The following SBF2 variants were observed in gnomAD, a reference collection of about 807,000 sequenced individuals.
The protein encoded by SBF2 is SET binding factor 2.
In SBF2, 112 loss-of-function variants were observed where a neutral mutation model predicts 225.2. That is an observed-to-expected ratio of 0.50 (90% CI 0.43 to 0.58). The LOEUF is 0.58. Ranked by LOEUF, SBF2 falls within the 20% of genes least tolerant of loss-of-function variation. The pLI is 0.00. For missense variants in SBF2, 1,996 were observed against 2,206.2 expected (o/e 0.90, Z 1.91); for synonymous variants, 763 against 773.3 (o/e 0.99, Z 0.22).
intron 1 of SBF2, among the ~76,000 whole-genome samples, chr11:10,293,698 G>T (rs1382344350): frequency 6.6e-6 from 1 of 152,214 alleles, no homozygotes; most frequent in Non-Finnish European, 1.5e-5. Context: ...CCAATCTCAG[G>T]GCTCTCTCTG....
intron 22 of SBF2, among the ~76,000 whole-genome samples, chr11:9,848,095 G>C (rs1455319923): frequency 1.3e-5 from 2 of 152,020 alleles, no homozygotes; most frequent in Non-Finnish European, 2.9e-5. Flanking sequence ...AGGGTGGGGA[G>C]GGGGTGGGGA....
intron 16 of SBF2, among the ~76,000 whole-genome samples, chr11:9,924,988 G>T (rs1863919231): frequency 6.6e-6 from 1 of 151,214 alleles, no homozygotes; most frequent in African/African-American, 2.4e-5. Flanking sequence ...GGCTCAAGCA[G>T]TTCTCCCTCC....
At chr11:9,805,737 T>C (rs375846901) in intron 32 of SBF2, among the ~76,000 whole-genome samples, 2 of 152,092 alleles carry the variant, frequency 1.3e-5, no homozygotes, top group African/African-American at 2.4e-5. Flanking sequence ...ATTCTCCTGC[T>C]TCAGCCTCCC....
chr11:10,232,469 T>G (rs1160211453), intron 1 of SBF2, among the ~76,000 whole-genome samples: 1 of 152,212 alleles, frequency 6.6e-6, no homozygotes, highest in Non-Finnish European at 1.5e-5. Flanking sequence ...TACACATGTA[T>G]TTTTAAGAAG....
chr11:10,023,739 G>A (rs966696374), intron 6 of SBF2, among the ~76,000 whole-genome samples: 1 of 151,968 alleles, frequency 6.6e-6, no homozygotes, highest in Non-Finnish European at 1.5e-5. Flanking sequence ...TCCATTGTGC[G>A]GATATATCAA....
chr11:10,055,286 G>A (rs1388506361), intron 2 of SBF2, among the ~76,000 whole-genome samples: 1 of 152,044 alleles, frequency 6.6e-6, no homozygotes, highest in Non-Finnish European at 1.5e-5. Flanking sequence ...GCTGCTGCTG[G>A]GAATGTAAAT....
chr11:9,789,975 G>C (rs1852636172), intron 34 of SBF2, among the ~76,000 whole-genome samples: 1 of 152,236 alleles, frequency 6.6e-6, no homozygotes, highest in Non-Finnish European at 1.5e-5. Context: ...TGCAGCTGGA[G>C]GAAGGCCAGA....
intron 13 of SBF2, among the ~76,000 whole-genome samples, chr11:9,982,245 C>T (rs1946988994): frequency 6.6e-6 from 1 of 152,202 alleles, no homozygotes; most frequent in South Asian, 2.1e-4. Context: ...CAAGCCAAAG[C>T]AGAGGACACT....
chr11:9,937,334 GA>G (rs1410404898), intron 16 of SBF2, among the ~76,000 whole-genome samples: 2 of 151,818 alleles, frequency 1.3e-5, no homozygotes, highest in African/African-American at 2.4e-5. Flanking sequence ...ATGGATCAAT[GA>G]AAAAAATTTA....
chr11:10,240,056 A>G (rs1000886988), intron 1 of SBF2, among the ~76,000 whole-genome samples: 2 of 152,158 alleles, frequency 1.3e-5, no homozygotes, highest in Non-Finnish European at 2.9e-5. Flanking sequence ...TAGTATTGGT[A>G]GTTATATCCA....
At chr11:10,177,696 T>C (rs957576595) in intron 2 of SBF2, among the ~76,000 whole-genome samples, 6 of 151,820 alleles carry the variant, frequency 4.0e-5, no homozygotes, top group Non-Finnish European at 8.8e-5. Context: ...TAAAAGAGGA[T>C]ACAAATAAAT....
chr11:10,196,360 T>C (rs574154840), intron 1 of SBF2, among the ~76,000 whole-genome samples: 1 of 152,254 alleles, frequency 6.6e-6, no homozygotes, highest in East Asian at 1.9e-4. Flanking sequence ...ACTAATGTAT[T>C]TTACGTTCAA....
In SBF2 at chr11:10,268,400, CCAAA is replaced by C. The variant is rs1261660465; in HGVS notation, c.55+25611_55+25614del. ...AAAAAAATAGAGAGATGTCAAGTTC[CCAAA>C]CAATTTGTTTTCTTCAAATCATGGT... On this transcript the variant is annotated intron_variant, in intron 1 of 39. Transcript: ENST00000256190. Among the ~76,000 whole-genome samples the C allele has an allele frequency of 7.9e-5, 12 of 152,128 alleles. 2 individuals are homozygous for C. The South Asian group carries it at 8.3e-4, about 11-fold the overall frequency.
At position 10,294,109 on chromosome 11, in the gene SBF2, C is replaced by G; in HGVS notation, c.-40G>C. ...CGCTCGGGAAGCGGGTCCCCGTCGC[C>G]GCCCTCGCCGCCGCCGCCCACCCGG... is the stretch of plus-strand genomic sequence containing the variant. On this transcript the variant is annotated 5_prime_UTR_variant, in exon 1 of 40. Transcript: ENST00000256190. 7.7e-6 allele frequency: 10 copies of G among 1,307,098 alleles called. No individual in the cohort carries two copies. Among genetic ancestry groups the G allele is most frequent in the Non-Finnish European group, 9.7e-6 (10 of 1,027,520 alleles). The allele number at this position is 1,307,098 out of a possible 1,614,324, so 81.0% of individuals were successfully genotyped here. A position where few individuals can be genotyped will look rare whatever the true frequency, so the allele number is the denominator to read the frequency against.
chr11:9,846,862 A>C (rs778276180), intron 23 of SBF2, 94 bp downstream of exon 23: 17 of 1,372,630 alleles, frequency 1.2e-5, no homozygotes, highest in Non-Finnish European at 1.6e-5. Flanking sequence ...TCATCCTCTT[A>C]ACTTCTGAGC....
At chr11:9,805,726 G>A (rs551452491) in intron 32 of SBF2, among the ~76,000 whole-genome samples, 16 of 152,178 alleles carry the variant, frequency 1.1e-4, no homozygotes, top group African/African-American at 1.2e-4. Context: ...GGGTTCAAGC[G>A]ATTCTCCTGC....
At chr11:10,245,798 G>A (rs924112462) in intron 1 of SBF2, among the ~76,000 whole-genome samples, 4 of 152,222 alleles carry the variant, frequency 2.6e-5, no homozygotes, top group Non-Finnish European at 5.9e-5. Context: ...TAAATACAAT[G>A]AAGTGTTATT....
At chr11:9,921,295 C>T (rs1001579338) in intron 16 of SBF2, among the ~76,000 whole-genome samples, 1 of 152,092 alleles carries the variant, frequency 6.6e-6, no homozygotes. Flanking sequence ...GTCTCCTACT[C>T]CCGACCTCAG....
chr11:9,978,597 A>G (rs1436890400), intron 13 of SBF2, among the ~76,000 whole-genome samples: 1 of 152,192 alleles, frequency 6.6e-6, no homozygotes, highest in African/African-American at 2.4e-5. Context: ...TGTCAATTTT[A>G]AAGAATAGGG....
Sources: gnomAD v4.1 joint callset for allele counts (sites outside exome capture counted in the v4.1 genomes callset) on GRCh38, gnomAD v4.1.1 for gene constraint, MANE v1.5 for transcripts, NCBI Gene and HGNC (gene_info 2026-07-23, HGNC 2026-07-21) for gene names.